The following SLC25A37 variants were observed in gnomAD, a reference collection of about 807,000 sequenced individuals.
The protein encoded by SLC25A37 is solute carrier family 25 member 37.
SLC25A37 carries 17 observed loss-of-function variants against 31.0 expected under a neutral mutation model. The observed-to-expected ratio is 0.55, with a 90% CI of 0.38 to 0.82. SLC25A37 has a LOEUF of 0.82. SLC25A37 is among the 40% of genes least tolerant of loss of function. The pLI, the probability that SLC25A37 is intolerant of heterozygous loss-of-function variation, is 0.00. For synonymous variants in SLC25A37, 222 were observed against 193.0 expected (o/e 1.15, Z -1.24); for missense variants, 404 against 465.8 (o/e 0.87, Z 1.22).
At chr8:23,531,636 T>G (rs1801663418) in intron 1 of SLC25A37, 1 of 152,242 alleles carries the variant, frequency 6.6e-6, no homozygotes, top group Non-Finnish European at 1.5e-5. Flanking sequence ...ACTTTGATCT[T>G]GTAATGACAA....
At chr8:23,566,899 C>T in intron 2 of SLC25A37, 8 of 828,482 alleles carry the variant, frequency 9.7e-6, no homozygotes, top group Non-Finnish European at 1.2e-5. Flanking sequence ...GGGAATTTTA[C>T]CCCCATTCTC....
At chr8:23,569,913 A>G (rs1250393047) in intron 3 of SLC25A37, among the ~76,000 whole-genome samples, 1 of 152,214 alleles carries the variant, frequency 6.6e-6, no homozygotes, top group East Asian at 1.9e-4. Context: ...GTTCCTGGCC[A>G]GAAGGGAGAA....
At chr8:23,540,658 T>A (rs1356995893) in intron 1 of SLC25A37, among the ~76,000 whole-genome samples, 1 of 152,226 alleles carries the variant, frequency 6.6e-6, no homozygotes, top group Non-Finnish European at 1.5e-5. Context: ...GCACTCAATA[T>A]AGTGTTTTGA....
Position 23,548,762 on chromosome 8 carries a change from G to C in SLC25A37, c.211-17346G>C, listed in dbSNP as rs532571761. Among the ~76,000 whole-genome samples the C allele has an allele frequency of 2.0e-5, 3 of 152,288 alleles. No individual in the cohort carries two copies. In the South Asian group the frequency reaches 6.2e-4, roughly 32 times the overall value. Reference sequence around the variant, plus strand: ...TGGGATTACAGGCATGAGTCACTGCGCCTGGCCAAAGGCAAGAGATGAGGA... The same window carrying C: ...TGGGATTACAGGCATGAGTCACTGCCCCTGGCCAAAGGCAAGAGATGAGGA... On this transcript the variant is annotated intron_variant, in intron 1 of 3. Coordinates refer to ENST00000519973, the MANE Select transcript of SLC25A37 (RefSeq NM_016612.4).
At chr8:23,548,429 T>C (rs1323022496) in intron 1 of SLC25A37, among the ~76,000 whole-genome samples, 1 of 151,396 alleles carries the variant, frequency 6.6e-6, no homozygotes, top group Non-Finnish European at 1.5e-5. Context: ...CCACCCGCCT[T>C]GGCCTCCCAA....
At chr8:23,564,720 C>T (rs1313750918) in intron 1 of SLC25A37, among the ~76,000 whole-genome samples, 2 of 152,080 alleles carry the variant, frequency 1.3e-5, no homozygotes, top group Non-Finnish European at 2.9e-5. Context: ...GGTTGAAGAC[C>T]TTCCTTGGGT....
chr8:23,566,573 A>AC, intron 2 of SLC25A37: 1 of 1,283,356 alleles, frequency 7.8e-7, no homozygotes, highest in South Asian at 2.2e-5. Context: ...GAAATCAGTG[A>AC]CAGAGGTGTT....
intron 1 of SLC25A37, among the ~76,000 whole-genome samples, chr8:23,544,473 C>T (rs949423875): frequency 6.6e-5 from 10 of 152,206 alleles, no homozygotes; most frequent in Middle Eastern, 3.4e-3. Context: ...ACTAAGGAGA[C>T]GGAGGCTTGA....
At chr8:23,564,941 G>A (rs2942195) in intron 1 of SLC25A37, among the ~76,000 whole-genome samples, 2,522 of 150,808 alleles carry the variant, frequency 0.017, 67 homozygotes, top group African/African-American at 0.059. Context: ...ACCTACCTAC[G>A]TACCTACCTA....
Position 23,571,955 on chromosome 8 carries a change from T to C in SLC25A37, c.*100T>C. On this transcript the variant is annotated 3_prime_UTR_variant, in exon 4 of 4. Coordinates refer to ENST00000519973, the MANE Select transcript of SLC25A37 (RefSeq NM_016612.4). ...AGATCATTTTTTTTTTGCAGGGTGC[T>C]GCCTATGGGCCCTCTGCTCCCCAAT... 1 of 1,321,098 alleles carries C rather than the reference T, an allele frequency of 7.6e-7. No homozygotes were observed. The highest frequency in any genetic ancestry group is 2.4e-5 in the East Asian group (1 of 41,804). The allele number at this position is 1,321,098 out of a possible 1,614,324, so 81.8% of individuals were successfully genotyped here. A position where few individuals can be genotyped will look rare whatever the true frequency, so the allele number is the denominator to read the frequency against.
intron 1 of SLC25A37, among the ~76,000 whole-genome samples, chr8:23,556,932 C>T (rs1007597185): frequency 1.3e-5 from 2 of 152,138 alleles, no homozygotes; most frequent in Non-Finnish European, 2.9e-5. Context: ...CTCACTGCAA[C>T]CTCCACCTCC....
intron 3 of SLC25A37, among the ~76,000 whole-genome samples, chr8:23,569,722 G>A (rs1802770345): frequency 6.6e-6 from 1 of 152,006 alleles, no homozygotes; most frequent in African/African-American, 2.4e-5. Context: ...CCTCAGCTGG[G>A]CAGACCAGAG....
chr8:23,549,541 C>G (rs1585186063), intron 1 of SLC25A37, among the ~76,000 whole-genome samples: 1 of 152,158 alleles, frequency 6.6e-6, no homozygotes, highest in Non-Finnish European at 1.5e-5. Context: ...GCGGTTGTTT[C>G]CTCTGGTGTT....
intron 2 of SLC25A37, chr8:23,566,957 T>G: frequency 2.0e-6 from 1 of 505,460 alleles, no homozygotes; most frequent in South Asian, 8.5e-5. Flanking sequence ...GCTGAAATCA[T>G]TTTGTTTGGT....
intron 1 of SLC25A37, among the ~76,000 whole-genome samples, chr8:23,554,984 C>T (rs1451591035): frequency 6.6e-6 from 1 of 152,186 alleles, no homozygotes; most frequent in East Asian, 1.9e-4. Flanking sequence ...CCACACACTC[C>T]AGCAAGGTAT....
chr8:23,571,134 G>A (rs1004492752), intron 3 of SLC25A37, among the ~76,000 whole-genome samples: 7 of 152,216 alleles, frequency 4.6e-5, no homozygotes, highest in African/African-American at 1.7e-4. Context: ...GATAAAAATG[G>A]ATTTTAACCT....
intron 1 of SLC25A37, among the ~76,000 whole-genome samples, chr8:23,558,930 C>A (rs530920897): frequency 8.8e-4 from 134 of 152,338 alleles, no homozygotes; most frequent in African/African-American, 3.1e-3. Flanking sequence ...CCACCTGCCT[C>A]CGGCCTGCTC....
At chr8:23,537,180 A>C (rs1801786026) in intron 1 of SLC25A37, among the ~76,000 whole-genome samples, 1 of 139,654 alleles carries the variant, frequency 7.2e-6, no homozygotes, top group Non-Finnish European at 1.6e-5. Context: ...TGGGCAACAG[A>C]GCAAGACCCT....
In SLC25A37 at chr8:23,529,579, C is replaced by T. The variant is rs963793818; in HGVS notation, c.210+367C>T. On this transcript the variant is annotated intron_variant, in intron 1 of 3. Transcript: ENST00000519973. This position sits in a 1 kb window ranked among gnomAD's most constrained non-coding sequence, Gnocchi z 4.1. ...GCACAGTCTTACCACGCTGGCCGTT[C>T]GGGCTGGCTGGGGCCGCCCACACGT... 3.9e-5 allele frequency among the ~76,000 whole-genome samples: 6 copies of T among 152,162 alleles called. No homozygotes were observed. Among genetic ancestry groups the T allele is most frequent in the Non-Finnish European group, 4.4e-5 (3 of 68,018 alleles).
Sources: gnomAD v4.1 joint callset for allele counts (sites outside exome capture counted in the v4.1 genomes callset) on GRCh38, gnomAD v4.1.1 for gene constraint, Gnocchi (gnomAD v3.1) non-coding constraint, MANE v1.5 for transcripts, NCBI Gene and HGNC (gene_info 2026-07-23, HGNC 2026-07-21) for gene names.